SDK1: variants seen among roughly 807,000 people sequenced by gnomAD.
The protein encoded by SDK1 is protein sidekick-1.
In SDK1, 157 loss-of-function variants were observed where a neutral mutation model predicts 245.5. The observed-to-expected ratio is 0.64, with a 90% CI of 0.56 to 0.73. The LOEUF (loss-of-function observed/expected upper bound fraction) is 0.73. SDK1 is among the 30% of genes least tolerant of loss of function. The pLI is 0.00. For missense variants in SDK1, 3,583 were observed against 3,002.3 expected (o/e 1.19, Z -4.52); for synonymous variants, 1,647 against 1,278.5 (o/e 1.29, Z -6.15).
intron 1 of SDK1, among the ~76,000 whole-genome samples, chr7:3,430,283 A>G (rs563934590): frequency 6.6e-6 from 1 of 152,216 alleles, no homozygotes; most frequent in South Asian, 2.1e-4. Flanking sequence ...CAATGTTCTT[A>G]ATTTTTTTTT....
chr7:3,983,698 TATGAA>T (rs1783597061), intron 13 of SDK1, among the ~76,000 whole-genome samples: 1 of 152,146 alleles, frequency 6.6e-6, no homozygotes, highest in Non-Finnish European at 1.5e-5. Context: ...CCCTTCACAT[TATGAA>T]ACAGGTGATA....
chr7:4,015,326 C>G (rs1466206721), intron 16 of SDK1, among the ~76,000 whole-genome samples: 1 of 152,156 alleles, frequency 6.6e-6, no homozygotes, highest in Non-Finnish European at 1.5e-5. Flanking sequence ...ATGAGGAATC[C>G]TTCTTAAACG....
intron 4 of SDK1, among the ~76,000 whole-genome samples, chr7:3,682,773 T>G (rs929033468): frequency 4.0e-5 from 6 of 151,874 alleles, no homozygotes; most frequent in African/African-American, 1.2e-4. Context: ...TCTGATGGAG[T>G]TTTGCACTGC....
chr7:3,668,136 A>T (rs1360240687), intron 4 of SDK1, among the ~76,000 whole-genome samples: 1 of 152,194 alleles, frequency 6.6e-6, no homozygotes, highest in African/African-American at 2.4e-5. Context: ...AGCCATTCTC[A>T]TTATGTTTTA....
chr7:3,464,377 G>T (rs942524737), intron 1 of SDK1, among the ~76,000 whole-genome samples: 1 of 152,026 alleles, frequency 6.6e-6, no homozygotes, highest in Admixed American at 6.6e-5. Flanking sequence ...TTAAAAATTG[G>T]CCCAGTGTAG....
At chr7:3,987,801 A>G (rs1045643609) in intron 14 of SDK1, among the ~76,000 whole-genome samples, 3 of 152,064 alleles carry the variant, frequency 2.0e-5, no homozygotes, top group Admixed American at 1.3e-4. Flanking sequence ...ACTCTTCTAC[A>G]TGAAACATGC....
chr7:3,935,538 A>G (rs1780126895), intron 5 of SDK1, among the ~76,000 whole-genome samples: 1 of 152,226 alleles, frequency 6.6e-6, no homozygotes, highest in Non-Finnish European at 1.5e-5. Flanking sequence ...ACAACAGAAA[A>G]AATAAGCTGA....
intron 4 of SDK1, among the ~76,000 whole-genome samples, chr7:3,718,203 T>TA (rs2115025980): frequency 6.6e-6 from 1 of 152,182 alleles, no homozygotes; most frequent in South Asian, 2.1e-4. Flanking sequence ...AAGCGTTTGA[T>TA]AAAATCCAAC....
At chr7:4,074,900 ATATATATATATATATATTTTTT>A (rs1385615986) in intron 20 of SDK1, among the ~76,000 whole-genome samples, 1 of 59,510 alleles carries the variant, frequency 1.7e-5, no homozygotes, top group Admixed American at 1.4e-4. Flanking sequence ...ATATATATAT[ATATATATATATATATATTTTTT>A]TTTTTTTTTA....
At chr7:3,731,402 A>C (rs566799042) in intron 4 of SDK1, among the ~76,000 whole-genome samples, 110 of 152,304 alleles carry the variant, frequency 7.2e-4, no homozygotes, top group Admixed American at 1.2e-3. Context: ...CACTGTCACA[A>C]TGTGGAGCCA....
intron 41 of SDK1, among the ~76,000 whole-genome samples, chr7:4,234,008 G>T (rs540463335): frequency 5.3e-5 from 8 of 152,232 alleles, no homozygotes; most frequent in Non-Finnish European, 7.3e-5. Context: ...GCAGAGCCCC[G>T]ATCCCCTGTG....
intron 20 of SDK1, among the ~76,000 whole-genome samples, chr7:4,074,972 G>C (rs1366149383): frequency 6.8e-6 from 1 of 146,988 alleles, no homozygotes; most frequent in African/African-American, 2.6e-5. Context: ...AAAAATGAGT[G>C]GTTGGCCTGG....
chr7:3,673,209 A>G (rs1226872605), intron 4 of SDK1, among the ~76,000 whole-genome samples: 1 of 152,176 alleles, frequency 6.6e-6, no homozygotes, highest in East Asian at 1.9e-4. Context: ...CAGACAGGAT[A>G]TTGACTACAC....
At chr7:3,421,013 G>C (rs1205953055) in intron 1 of SDK1, among the ~76,000 whole-genome samples, 3 of 149,724 alleles carry the variant, frequency 2.0e-5, no homozygotes, top group East Asian at 1.9e-4. Flanking sequence ...TTGTTGTACT[G>C]TTTAAGCAGC....
chr7:4,076,096 A>G (rs1352407837), intron 20 of SDK1, among the ~76,000 whole-genome samples: 1 of 152,256 alleles, frequency 6.6e-6, no homozygotes, highest in Non-Finnish European at 1.5e-5. Context: ...AGAGAGAGCT[A>G]GAAGCAAAAC....
At chr7:4,232,404 TTTCTTTC>T (rs1299442258) in intron 40 of SDK1, among the ~76,000 whole-genome samples, 39 of 107,616 alleles carry the variant, frequency 3.6e-4, no homozygotes, top group African/African-American at 1.3e-3. Flanking sequence ...TTTCTTTTCT[TTTCTTTC>T]TTTTTTTTTT....
At chr7:3,576,431 C>T (rs770890602) in intron 1 of SDK1, among the ~76,000 whole-genome samples, 1 of 152,030 alleles carries the variant, frequency 6.6e-6, no homozygotes, top group Non-Finnish European at 1.5e-5. Context: ...AGGGGAGTCG[C>T]AGGTACACAA....
chr7:3,943,710 C>T (rs1419207426), intron 5 of SDK1, among the ~76,000 whole-genome samples: 2 of 151,948 alleles, frequency 1.3e-5, no homozygotes, highest in Non-Finnish European at 2.9e-5. Context: ...TAACTTTGAA[C>T]TTTATTTTTT....
intron 1 of SDK1, among the ~76,000 whole-genome samples, chr7:3,327,741 C>T (rs1779970953): frequency 6.6e-6 from 1 of 152,024 alleles, no homozygotes; most frequent in Non-Finnish European, 1.5e-5. Context: ...ATTTATCCTA[C>T]TTGATGTGAA....
Sources: allele counts gnomAD v4.1 joint callset (sites outside exome capture counted in the v4.1 genomes callset), GRCh38; gene constraint gnomAD v4.1.1; transcripts MANE v1.5; gene names NCBI Gene and HGNC (gene_info 2026-07-23, HGNC 2026-07-21).